The following CNTNAP2 variants were observed in gnomAD, a reference collection of about 807,000 sequenced individuals.
CNTNAP2 encodes the protein contactin-associated protein-like 2.
A neutral mutation model predicts 155.2 loss-of-function variants in CNTNAP2; 98 were observed. That is an observed-to-expected ratio of 0.63 (90% CI 0.54 to 0.75). CNTNAP2 has a LOEUF of 0.75. CNTNAP2 is among the 30% of genes least tolerant of loss of function. The probability of loss-of-function intolerance (pLI) is 0.00; values close to 1 mark genes in which losing one functional copy is unlikely to be tolerated. For missense variants in CNTNAP2, 1,727 were observed against 1,688.1 expected, an observed-to-expected ratio of 1.02 and a Z score of -0.40; for synonymous variants, 651 against 631.2, an observed-to-expected ratio of 1.03 and a Z score of -0.47.
At chr7:147,838,403 T>A (rs1054098914) in intron 13 of CNTNAP2, among the ~76,000 whole-genome samples, 2 of 152,222 alleles carry the variant, frequency 1.3e-5, no homozygotes, top group South Asian at 2.1e-4. Flanking sequence ...AAATAGGATT[T>A]TTTTTTCTAT....
chr7:146,415,117 A>G (rs1795920412), intron 1 of CNTNAP2, among the ~76,000 whole-genome samples: 1 of 152,162 alleles, frequency 6.6e-6, no homozygotes, highest in South Asian at 2.1e-4. Flanking sequence ...TGGAAAAATC[A>G]CAATTGACAG....
intron 10 of CNTNAP2, among the ~76,000 whole-genome samples, chr7:147,459,734 A>G (rs1797984794): frequency 6.6e-6 from 1 of 152,204 alleles, no homozygotes; most frequent in Non-Finnish European, 1.5e-5. Flanking sequence ...CACATTTGAA[A>G]CTTCTGGCCT....
intron 4 of CNTNAP2, among the ~76,000 whole-genome samples, chr7:147,069,266 T>G (rs1799844471): frequency 6.6e-6 from 1 of 152,142 alleles, no homozygotes; most frequent in Non-Finnish European, 1.5e-5. Context: ...GCAAACTCTA[T>G]CATCCTGGTT....
At chr7:146,247,414 T>C (rs1260834282) in intron 1 of CNTNAP2, among the ~76,000 whole-genome samples, 2 of 151,774 alleles carry the variant, frequency 1.3e-5, no homozygotes, top group African/African-American at 2.4e-5. Context: ...TGAGGAAGAA[T>C]TGGGACCTAG....
At chr7:147,101,012 G>A (rs1321208034) in intron 4 of CNTNAP2, among the ~76,000 whole-genome samples, 2 of 152,174 alleles carry the variant, frequency 1.3e-5, no homozygotes, top group East Asian at 3.9e-4. Flanking sequence ...CTGAGGCTTA[G>A]AAGATGCCTA....
intron 4 of CNTNAP2, among the ~76,000 whole-genome samples, chr7:147,061,778 CAAAAA>C (rs1024361415): frequency 6.6e-6 from 1 of 151,738 alleles, no homozygotes. Flanking sequence ...CAAAACAAAA[CAAAAA>C]AACACTAGCT....
At chr7:146,975,380 G>T (rs746818590) in intron 3 of CNTNAP2, among the ~76,000 whole-genome samples, 11 of 152,122 alleles carry the variant, frequency 7.2e-5, no homozygotes, top group African/African-American at 1.4e-4. Context: ...CAGGAGAATC[G>T]CTTGAACCTG....
intron 15 of CNTNAP2, among the ~76,000 whole-genome samples, chr7:148,109,284 A>G (rs1804289450): frequency 6.6e-6 from 1 of 152,226 alleles, no homozygotes; most frequent in African/African-American, 2.4e-5. Flanking sequence ...TTCCTGGACC[A>G]AATAGGGTCG....
chr7:146,367,797 A>C (rs1364059938), intron 1 of CNTNAP2, among the ~76,000 whole-genome samples: 2 of 152,132 alleles, frequency 1.3e-5, no homozygotes, highest in African/African-American at 2.4e-5. Flanking sequence ...ATGTATATGA[A>C]TATGCATCTA....
chr7:147,762,155 TCACACACA>T (rs72526174), intron 13 of CNTNAP2, among the ~76,000 whole-genome samples: 40 of 144,348 alleles, frequency 2.8e-4, no homozygotes, highest in African/African-American at 7.7e-4. Context: ...TCTCTCTGTC[TCACACACA>T]CACACACACA....
chr7:146,971,015 A>T (rs188429325), intron 3 of CNTNAP2, among the ~76,000 whole-genome samples: 1 of 152,130 alleles, frequency 6.6e-6, no homozygotes, highest in African/African-American at 2.4e-5. Context: ...GAACAATGAG[A>T]ACACATGGAC....
chr7:146,260,478 G>A (rs534979637), intron 1 of CNTNAP2, among the ~76,000 whole-genome samples: 11 of 152,342 alleles, frequency 7.2e-5, no homozygotes, highest in Admixed American at 5.9e-4. Flanking sequence ...GTATCCTGCA[G>A]AGCCACAGAG....
At chr7:148,321,308 C>G (rs933375308) in intron 21 of CNTNAP2, among the ~76,000 whole-genome samples, 2 of 151,954 alleles carry the variant, frequency 1.3e-5, no homozygotes, top group Non-Finnish European at 2.9e-5. Context: ...CTAAATCCAG[C>G]ACAAAAAAAC....
At chr7:147,042,879 A>T (rs888568402) in intron 3 of CNTNAP2, among the ~76,000 whole-genome samples, 1 of 152,134 alleles carries the variant, frequency 6.6e-6, no homozygotes, top group Non-Finnish European at 1.5e-5. Context: ...TGATTTTAAG[A>T]TAATTTAAAT....
At chr7:148,379,793 A>C (rs529806838) in intron 21 of CNTNAP2, among the ~76,000 whole-genome samples, 159 of 152,324 alleles carry the variant, frequency 1.0e-3, no homozygotes, top group African/African-American at 3.6e-3. Context: ...CATGTACACG[A>C]GGCCCCAAGC....
intron 13 of CNTNAP2, among the ~76,000 whole-genome samples, chr7:147,855,176 G>A (rs576061230): frequency 3.9e-5 from 6 of 152,194 alleles, no homozygotes; most frequent in Non-Finnish European, 8.8e-5. Context: ...TCTAGTTGGT[G>A]TGTAAAAGTC....
At chr7:147,852,579 A>G (rs1798966166) in intron 13 of CNTNAP2, among the ~76,000 whole-genome samples, 1 of 152,214 alleles carries the variant, frequency 6.6e-6, no homozygotes, top group Non-Finnish European at 1.5e-5. Flanking sequence ...CCTTCCTTAA[A>G]GATTACATTT....
At chr7:148,193,542 G>A (rs894172426) in intron 18 of CNTNAP2, among the ~76,000 whole-genome samples, 3 of 152,112 alleles carry the variant, frequency 2.0e-5, no homozygotes, top group Admixed American at 2.0e-4. Flanking sequence ...GCCCATGAAA[G>A]TCATAATGTG....
intron 13 of CNTNAP2, among the ~76,000 whole-genome samples, chr7:147,647,557 T>A (rs1260874580): frequency 6.6e-6 from 1 of 152,194 alleles, no homozygotes; most frequent in South Asian, 2.1e-4. Context: ...CAGTTGATTA[T>A]GGGCTATTCA....
Sources: allele counts gnomAD v4.1 joint callset (sites outside exome capture counted in the v4.1 genomes callset), GRCh38; gene constraint gnomAD v4.1.1; transcripts MANE v1.5; gene names NCBI Gene and HGNC (gene_info 2026-07-23, HGNC 2026-07-21).